MAP3K8: variants seen among roughly 807,000 people sequenced by gnomAD.
MAP3K8 encodes the protein Ewing sarcoma transformant.
In MAP3K8, 22 loss-of-function variants were observed where a neutral mutation model predicts 45.8. That is an observed-to-expected ratio of 0.48 (90% confidence interval 0.34 to 0.69). MAP3K8 has a LOEUF of 0.69. MAP3K8 is among the 30% of genes least tolerant of loss of function. MAP3K8 has a pLI of 0.01. For missense variants in MAP3K8, 419 were observed against 585.0 expected (o/e 0.72, Z 2.93); for synonymous variants, 223 against 214.3 (o/e 1.04, Z -0.36).
intron 6 of MAP3K8, among the ~76,000 whole-genome samples, chr10:30,454,700 A>T (rs1836678760): frequency 6.6e-6 from 1 of 151,886 alleles, no homozygotes; most frequent in Non-Finnish European, 1.5e-5. Flanking sequence ...TCGAGCGAGG[A>T]TTCTTGACGG....
rs373057774 is a variant in MAP3K8 at position 30,450,310 on chromosome 10, G to A, written c.557G>A (p.Arg186Gln). ...GATGTGGAAATCCAGGCTTGCTTCC[G>A]GCACGAGAACATCGCAGAGCTGTAT... ...PSDVEIQACF[R>Q]HENIAELYGA... is the part of the protein sequence containing the mutation. The change falls in exon 5 of 9, where the codon CGG (arginine) becomes CAG (glutamine). Residue 186 changes from arginine (R) to glutamine (Q), a missense_variant. Physicochemically the swap from Arg to Gln is conservative, Grantham distance 43 (BLOSUM62 1). Coordinates refer to ENST00000263056, the MANE Select transcript of MAP3K8 (RefSeq NM_005204.4). The A allele has an allele frequency of 8.6e-5, 139 of 1,611,958 alleles. No individual in the cohort carries two copies. The highest frequency in any genetic ancestry group is 1.1e-4 in the Non-Finnish European group (129 of 1,178,380).
chr10:30,446,487 A>G (rs1181126196), intron 3 of MAP3K8, among the ~76,000 whole-genome samples: 1 of 151,238 alleles, frequency 6.6e-6, no homozygotes, highest in African/African-American at 2.4e-5. Flanking sequence ...TTGAGCCAAG[A>G]TCGTGCCATT....
intron 2 of MAP3K8, among the ~76,000 whole-genome samples, chr10:30,438,358 C>T (rs1299900917): frequency 6.6e-6 from 1 of 152,220 alleles, no homozygotes; most frequent in Non-Finnish European, 1.5e-5. Context: ...TGACCTATTG[C>T]CATCAAATTT....
chr10:30,448,414 T>TTTTTTATTATTATTATCA (rs34801475), intron 4 of MAP3K8, among the ~76,000 whole-genome samples: 1 of 136,446 alleles, frequency 7.3e-6, no homozygotes, highest in Non-Finnish European at 1.5e-5. Context: ...CTATCCCAAA[T>TTTTTTATTATTATTATCA]TTATTATTAT....
chr10:30,438,801 T>C lies in MAP3K8; in HGVS notation c.-23-115T>C, dbSNP rs8176967. On this transcript the variant is annotated intron_variant, in intron 2 of 8. Transcript: ENST00000263056. The stretch of plus-strand genomic sequence containing the variant: ...ACACACAGTTGACACAGAACCCTCG[T>C]TTTCTGAACAAAAGCATATAAAATC... The C allele has an allele frequency of 6.1e-3, 3,840 of 629,514 alleles. 118 individuals are homozygous for C. The African/African-American group carries it at 0.061, about 10-fold the overall frequency. The allele number at this position is 629,514 out of a possible 1,614,324, so 39.0% of individuals were successfully genotyped here. A position where few individuals can be genotyped will look rare whatever the true frequency, so the allele number is the denominator to read the frequency against.
At chr10:30,450,045 T>G (rs1836482371) in intron 4 of MAP3K8, among the ~76,000 whole-genome samples, 1 of 152,230 alleles carries the variant, frequency 6.6e-6, no homozygotes, top group African/African-American at 2.4e-5. Context: ...GTTTTTTATT[T>G]TCTTGTTCTG....
In MAP3K8 at chr10:30,450,305, C is replaced by T; in HGVS notation, c.552C>T (p.Cys184=). 1 of 1,611,792 alleles carries T rather than the reference C, an allele frequency of 6.2e-7. No individual in the cohort carries two copies. Among genetic ancestry groups the T allele is most frequent in the African/African-American group, 1.3e-5 (1 of 74,958 alleles). ...CATCTGATGTGGAAATCCAGGCTTGCTTCCGGCACGAGAACATCGCAGAGC... is the reference window on the plus strand; with the variant it reads ...CATCTGATGTGGAAATCCAGGCTTGTTTCCGGCACGAGAACATCGCAGAGC... ...FKPSDVEIQA[C]FRHENIAELY... The change falls in exon 5 of 9, where the codon TGC becomes TGT. Residue 184 remains cysteine (C), a synonymous_variant. Transcript: ENST00000263056.
rs759799018 is a variant in MAP3K8 at position 30,461,696 on chromosome 10, CAT to C, written c.*869_*870del. On this transcript the variant is annotated 3_prime_UTR_variant, in exon 9 of 9. Transcript: ENST00000263056. ...CAAATGCCTTCATGAATCTTTCATACATATATATATTTGTAACATTGTAAAGT... is the reference window on the plus strand; with the variant it reads ...CAAATGCCTTCATGAATCTTTCATACATATATATTTGTAACATTGTAAAGT... 2.7e-5 allele frequency: 5 copies of C among 185,226 alleles called. No individual in the cohort carries two copies. The highest frequency in any genetic ancestry group is 9.4e-5 in the African/African-American group (4 of 42,586). The allele number at this position is 185,226 out of a possible 1,614,324, so 11.5% of individuals were successfully genotyped here. A position where few individuals can be genotyped will look rare whatever the true frequency, so the allele number is the denominator to read the frequency against.
intron 3 of MAP3K8, among the ~76,000 whole-genome samples, chr10:30,446,148 CT>C (rs1186269499): frequency 7.9e-5 from 12 of 152,210 alleles, no homozygotes; most frequent in Admixed American, 2.6e-4. Context: ...CCACCTTAGC[CT>C]CCCAAAGTGC....
rs773505013 is a variant in MAP3K8 at position 30,450,426 on chromosome 10, A to G, written c.673A>G (p.Met225Val). The G allele has an allele frequency of 1.7e-5, 28 of 1,614,060 alleles. No individual in the cohort carries two copies. The highest frequency in any genetic ancestry group is 3.4e-6 in the Non-Finnish European group (4 of 1,180,026). ...GGAGAAACTGGAGAGCTGTGGACCA[A>G]TGAGAGAATTTGAAATTATTTGGGT... The part of the protein sequence containing the change: ...VLEKLESCGP[M>V]REFEIIWVTK... Residue 225 changes from methionine (M) to valine (V), a missense_variant, in exon 5 of 9, where the codon ATG becomes GTG. This residue lies in a region of MAP3K8 where 209 missense variants were observed against 367.3 expected (regional missense o/e 0.57). Coordinates refer to ENST00000263056, the MANE Select transcript of MAP3K8 (RefSeq NM_005204.4).
At chr10:30,443,073 G>A (rs765769849) in intron 3 of MAP3K8, among the ~76,000 whole-genome samples, 9 of 152,080 alleles carry the variant, frequency 5.9e-5, no homozygotes, top group South Asian at 2.1e-4. Context: ...ATCTCTGACC[G>A]TTTAGTGCAA....
At position 30,447,874 on chromosome 10, in the gene MAP3K8, T is replaced by C; in HGVS notation, c.429T>C (p.Phe143=). The C allele has an allele frequency of 6.2e-7, 1 of 1,614,002 alleles. No homozygotes were observed. Among genetic ancestry groups the C allele is most frequent in the Non-Finnish European group, 8.5e-7 (1 of 1,179,952 alleles). Reference sequence around the variant, plus strand: ...CTTACAGGAATATTGGTTCTGATTTTATTCCTCGGGGCGCCTTTGGAAAGG... The same window carrying C: ...CTTACAGGAATATTGGTTCTGATTTCATTCCTCGGGGCGCCTTTGGAAAGG... ...KLTYRNIGSD[F]IPRGAFGKVY... Residue 143 remains phenylalanine (F), a synonymous_variant, in exon 4 of 9, where the codon TTT becomes TTC. Transcript: ENST00000263056.
intron 6 of MAP3K8, among the ~76,000 whole-genome samples, chr10:30,454,749 A>AAT (rs1564372375): frequency 1.8e-4 from 26 of 141,928 alleles, no homozygotes; most frequent in African/African-American, 5.7e-4. Context: ...GGGAAGCTGT[A>AAT]CTTTTTTTTT....
chr10:30,445,464 G>C (rs1836289101), intron 3 of MAP3K8, among the ~76,000 whole-genome samples: 1 of 152,186 alleles, frequency 6.6e-6, no homozygotes, highest in Admixed American at 6.5e-5. Flanking sequence ...ACAAATTTAG[G>C]TTGGTAAAAC....
intron 3 of MAP3K8, among the ~76,000 whole-genome samples, chr10:30,445,132 C>A (rs1405783627): frequency 1.3e-5 from 2 of 151,532 alleles, no homozygotes; most frequent in African/African-American, 4.9e-5. Flanking sequence ...ACAGGTGGCT[C>A]ACACCTGTAA....
At chr10:30,448,414 T>TTTTTTTTTATTA (rs34801475) in intron 4 of MAP3K8, among the ~76,000 whole-genome samples, 7 of 136,444 alleles carry the variant, frequency 5.1e-5, no homozygotes, top group East Asian at 2.1e-4. Flanking sequence ...CTATCCCAAA[T>TTTTTTTTTATTA]TTATTATTAT....
chr10:30,452,371 A>C (rs1034566266), intron 6 of MAP3K8, among the ~76,000 whole-genome samples: 2 of 151,960 alleles, frequency 1.3e-5, no homozygotes, highest in African/African-American at 4.8e-5. Context: ...CGGGAGGCTG[A>C]GGGAGGAGAA....
In MAP3K8 at chr10:30,461,071, A is replaced by G; in HGVS notation, c.*235A>G. 1 of 420,014 alleles carries G rather than the reference A, an allele frequency of 2.4e-6. No individual in the cohort carries two copies. Among genetic ancestry groups the G allele is most frequent in the Non-Finnish European group, 4.2e-6 (1 of 236,990 alleles). 26.0% of individuals were successfully genotyped at this position (420,014 alleles called of 1,614,324 possible). On this transcript the variant is annotated 3_prime_UTR_variant, in exon 9 of 9. Transcript: ENST00000263056. ...TCAGGTGACGTGATTCTAAGGCAGG[A>G]ATTTGAGAGTTCACAGAAGGATCGT... is the stretch of plus-strand genomic sequence containing the variant.
At chr10:30,459,785 T>C (rs1455883799) in intron 8 of MAP3K8, among the ~76,000 whole-genome samples, 1 of 152,170 alleles carries the variant, frequency 6.6e-6, no homozygotes, top group Non-Finnish European at 1.5e-5. Context: ...TTTACAACTT[T>C]TGTCTTTGAA....
Sources: allele counts gnomAD v4.1 joint callset (sites outside exome capture counted in the v4.1 genomes callset), GRCh38; gene constraint gnomAD v4.1.1; regional missense constraint gnomAD v4.1.1; transcripts MANE v1.5; gene names NCBI Gene and HGNC (gene_info 2026-07-23, HGNC 2026-07-21).